TRAPPC3L: variants seen among roughly 807,000 people sequenced by gnomAD.
The protein encoded by TRAPPC3L is trafficking protein particle complex subunit 3L.
Under a neutral mutation model 23.7 loss-of-function variants are expected in TRAPPC3L, and 23 were observed. The observed-to-expected ratio is 0.97, with a 90% confidence interval of 0.70 to 1.37. The LOEUF is 1.37. Among genes scored for constraint, TRAPPC3L ranks in the 40% most tolerant of loss-of-function variants. TRAPPC3L has a pLI of 0.00. For synonymous variants in TRAPPC3L, 81 were observed against 77.9 expected (o/e 1.04, Z -0.21); for missense variants, 212 against 216.8 (o/e 0.98, Z 0.14).
intron 3 of TRAPPC3L, among the ~76,000 whole-genome samples, chr6:116,515,313 G>A (rs1300505703): frequency 1.3e-5 from 2 of 152,140 alleles, no homozygotes; most frequent in Non-Finnish European, 2.9e-5. Flanking sequence ...TAAGTCTTAT[G>A]TAATCTATAC....
chr6:116,510,442 T>C (rs547023673), intron 3 of TRAPPC3L, among the ~76,000 whole-genome samples: 1 of 127,184 alleles, frequency 7.9e-6, no homozygotes, highest in South Asian at 2.5e-4. Flanking sequence ...CCACCGAGCC[T>C]GGCTAATTTT....
At chr6:116,518,883 A>C (rs1772280301) in intron 3 of TRAPPC3L, 1 of 152,252 alleles carries the variant, frequency 6.6e-6, no homozygotes, top group Admixed American at 6.5e-5. Flanking sequence ...CTTAGTAAGT[A>C]GCAGAAGAGC....
intron 3 of TRAPPC3L, among the ~76,000 whole-genome samples, chr6:116,538,943 C>T (rs1468889683): frequency 6.6e-6 from 1 of 151,978 alleles, no homozygotes; most frequent in Non-Finnish European, 1.5e-5. Flanking sequence ...GTTGGCCAGG[C>T]TGGTCTCGAT....
intron 4 of TRAPPC3L, among the ~76,000 whole-genome samples, chr6:116,499,723 C>T (rs1382345641): frequency 1.3e-5 from 2 of 152,196 alleles, no homozygotes; most frequent in Non-Finnish European, 2.9e-5. Context: ...AGGCTTTTAT[C>T]TAACTCCTAT....
intron 3 of TRAPPC3L, among the ~76,000 whole-genome samples, chr6:116,527,081 G>T (rs34840541): frequency 0.027 from 4,060 of 152,250 alleles, 76 homozygotes; most frequent in Non-Finnish European, 0.041. Context: ...GACAATTGAG[G>T]CTGAGAGGAT....
chr6:116,513,306 C>T (rs1211637000), intron 3 of TRAPPC3L, among the ~76,000 whole-genome samples: 1 of 152,142 alleles, frequency 6.6e-6, no homozygotes, highest in African/African-American at 2.4e-5. Context: ...AAAAAATACT[C>T]CAAAACAAAA....
rs990714981 is a variant in TRAPPC3L at position 116,500,611 on chromosome 6, C to T, written c.296G>A (p.Ser99Asn). Residue 99 changes from serine to asparagine, a missense_variant, in exon 4 of 5, where the codon AGC becomes AAC. Transcript: ENST00000368602. Reference sequence around the variant, plus strand: ...TAGAATCAGGGAAAATTCATTTTTGCTTGAATTGTTACAGGTCACACTTGG... The same window carrying T: ...TAGAATCAGGGAAAATTCATTTTTGTTTGAATTGTTACAGGTCACACTTGG... Reference protein sequence around the residue: ...ITPSVTCNNSSKNEFSLILEK... With the variant: ...ITPSVTCNNSNKNEFSLILEK... The T allele has an allele frequency of 4.5e-6, 7 of 1,551,626 alleles. No homozygotes were observed. Among genetic ancestry groups the T allele is most frequent in the Non-Finnish European group, 6.1e-6 (7 of 1,146,976 alleles).
At chr6:116,498,348 A>C (rs937510203) in intron 4 of TRAPPC3L, among the ~76,000 whole-genome samples, 1 of 152,210 alleles carries the variant, frequency 6.6e-6, no homozygotes, top group Non-Finnish European at 1.5e-5. Context: ...GGACAAGTCT[A>C]AAAAGATGCT....
At chr6:116,541,863 T>C (rs2115242823) in intron 2 of TRAPPC3L, among the ~76,000 whole-genome samples, 1 of 152,304 alleles carries the variant, frequency 6.6e-6, no homozygotes, top group Non-Finnish European at 1.5e-5. Context: ...TTCTGCAAAG[T>C]AGATATTTTA....
chr6:116,515,813 G>A, intron 3 of TRAPPC3L: 1 of 1,613,988 alleles, frequency 6.2e-7, no homozygotes, highest in Non-Finnish European at 8.5e-7. Flanking sequence ...CAAGAGGCCA[G>A]ATCCTTTTCC....
intron 3 of TRAPPC3L, among the ~76,000 whole-genome samples, chr6:116,529,750 T>C (rs1380680211): frequency 6.6e-6 from 1 of 152,130 alleles, no homozygotes; most frequent in African/African-American, 2.4e-5. Flanking sequence ...AAAATCAGTC[T>C]CCACAATATC....
At chr6:116,528,780 C>CT in intron 3 of TRAPPC3L, among the ~76,000 whole-genome samples, 1 of 152,198 alleles carries the variant, frequency 6.6e-6, no homozygotes, top group Non-Finnish European at 1.5e-5. Flanking sequence ...TCCTGTTTAC[C>CT]AAGGGCTCCC....
chr6:116,540,137 A>G (rs1773348317), intron 3 of TRAPPC3L, among the ~76,000 whole-genome samples: 1 of 152,176 alleles, frequency 6.6e-6, no homozygotes, highest in African/African-American at 2.4e-5. Flanking sequence ...CATATACTCT[A>G]CACACTCCTG....
chr6:116,503,553 T>C (rs2806722), intron 3 of TRAPPC3L, among the ~76,000 whole-genome samples: 148,463 of 152,304 alleles, frequency 0.97, 72,384 homozygotes, highest in East Asian at 1. Context: ...ACTCTCCACC[T>C]CAAATCAACA....
intron 3 of TRAPPC3L, among the ~76,000 whole-genome samples, chr6:116,527,105 T>C (rs2115178671): frequency 6.6e-6 from 1 of 152,344 alleles, no homozygotes; most frequent in African/African-American, 2.4e-5. Context: ...GTACAGATTT[T>C]ATTAAAATAA....
chr6:116,504,515 C>T (rs188861868), intron 3 of TRAPPC3L, among the ~76,000 whole-genome samples: 287 of 152,304 alleles, frequency 1.9e-3, no homozygotes, highest in Non-Finnish European at 3.6e-3. Context: ...AGAGGGAATC[C>T]TCCCTAACTC....
In TRAPPC3L at chr6:116,496,080, G is replaced by C. The variant is rs577201059; in HGVS notation, c.*874C>G. On this transcript the variant is annotated 3_prime_UTR_variant, in exon 5 of 5. Coordinates refer to ENST00000368602, the MANE Select transcript of TRAPPC3L (RefSeq NM_001139444.3). ...TGTAGGCCGCCCTTGTGTGCCAGTG[G>C]TCTGGTGAAGATTACTGTGTATTTA... 6.6e-6 allele frequency: 1 copy of C among 152,300 alleles called. No homozygotes were observed. Among genetic ancestry groups the C allele is most frequent in the African/African-American group, 2.4e-5 (1 of 41,560 alleles). 9.4% of individuals were successfully genotyped at this position (152,300 alleles called of 1,614,324 possible).
At chr6:116,509,108 A>C (rs1436440787) in intron 3 of TRAPPC3L, among the ~76,000 whole-genome samples, 6 of 150,604 alleles carry the variant, frequency 4.0e-5, no homozygotes, top group East Asian at 3.9e-4. Context: ...AAAAAAAAAA[A>C]AAAACCCACC....
chr6:116,536,310 C>G (rs1773089791), intron 3 of TRAPPC3L, among the ~76,000 whole-genome samples: 1 of 152,088 alleles, frequency 6.6e-6, no homozygotes, highest in Non-Finnish European at 1.5e-5. Context: ...CATGGGATTT[C>G]TTTTCAGACC....
Sources: allele counts gnomAD v4.1 joint callset (sites outside exome capture counted in the v4.1 genomes callset), GRCh38; gene constraint gnomAD v4.1.1; transcripts MANE v1.5; gene names NCBI Gene and HGNC (gene_info 2026-07-23, HGNC 2026-07-21).